PYY: variants seen among roughly 807,000 people sequenced by gnomAD.
PYY encodes the protein peptide YY.
A neutral mutation model predicts 10.3 loss-of-function variants in PYY; 12 were observed. The observed-to-expected ratio is 1.17, with a 90% CI of 0.75 to 1.89. The LOEUF is 1.89. Ranked by LOEUF, PYY falls within the 40% of genes most tolerant of loss-of-function variation. The probability of loss-of-function intolerance (pLI) is 0.00; values close to 1 mark genes in which losing one functional copy is unlikely to be tolerated. For missense variants in PYY, 141 were observed against 134.0 expected, an observed-to-expected ratio of 1.05 and a Z score of -0.26; for synonymous variants, 66 against 62.0, an observed-to-expected ratio of 1.06 and a Z score of -0.30.
intron 1 of PYY, among the ~76,000 whole-genome samples, chr17:43,971,904 T>G (rs2048796467): frequency 6.6e-6 from 1 of 152,020 alleles, no homozygotes; most frequent in African/African-American, 2.4e-5. Context: ...ACTCATTCTT[T>G]TGGGTGTCCA....
intron 1 of PYY, among the ~76,000 whole-genome samples, chr17:43,976,509 C>T (rs534963741): frequency 2.7e-4 from 41 of 151,918 alleles, no homozygotes; most frequent in Admixed American, 6.6e-4. Context: ...TGGTGGCTCA[C>T]GTCTGTAATC....
intron 1 of PYY, among the ~76,000 whole-genome samples, chr17:43,977,360 C>A (rs1375922847): frequency 1.3e-5 from 2 of 152,254 alleles, no homozygotes; most frequent in African/African-American, 4.8e-5. Context: ...TTGACCCACT[C>A]CCACCTTTCC....
intron 1 of PYY, among the ~76,000 whole-genome samples, chr17:43,979,934 A>T (rs1314374216): frequency 6.6e-6 from 1 of 152,136 alleles, no homozygotes; most frequent in Non-Finnish European, 1.5e-5. Flanking sequence ...CCTAAAGTGC[A>T]CAGATTGTAA....
At chr17:43,995,232 C>T (rs2048983516) in intron 1 of PYY, among the ~76,000 whole-genome samples, 1 of 152,204 alleles carries the variant, frequency 6.6e-6, no homozygotes, top group Admixed American at 6.5e-5. Context: ...TCCTGAACCC[C>T]GATACCCCAC....
chr17:43,980,675 T>A (rs2048878676), intron 1 of PYY, among the ~76,000 whole-genome samples: 1 of 152,020 alleles, frequency 6.6e-6, no homozygotes, highest in Non-Finnish European at 1.5e-5. Context: ...GGTTTCACCA[T>A]GTTGGCCAGG....
chr17:43,992,011 C>G (rs2048960145), intron 1 of PYY, among the ~76,000 whole-genome samples: 1 of 150,998 alleles, frequency 6.6e-6, no homozygotes, highest in Non-Finnish European at 1.5e-5. Context: ...AGCCCAGCTA[C>G]TCAGGAGGCT....
chr17:43,964,778 G>A (rs544602106), intron 2 of PYY, among the ~76,000 whole-genome samples: 3 of 152,142 alleles, frequency 2.0e-5, no homozygotes, highest in Non-Finnish European at 4.4e-5. Flanking sequence ...ACTCCAGTCT[G>A]GGCAACAAGA....
chr17:43,964,977 A>G (rs572940763), intron 2 of PYY, among the ~76,000 whole-genome samples: 1 of 152,376 alleles, frequency 6.6e-6, no homozygotes, highest in African/African-American at 2.4e-5. Flanking sequence ...TGGAAGAAAG[A>G]GGACACAGAT....
chr17:43,953,785 T>G, intron 1 of PYY, 65 bp downstream of exon 1: 1 of 247,052 alleles, frequency 4.0e-6, no homozygotes. Flanking sequence ...GCTTCCACCA[T>G]CCCAGCCTCA....
intron 1 of PYY, among the ~76,000 whole-genome samples, chr17:43,976,492 C>T (rs1362720441): frequency 6.6e-6 from 1 of 151,614 alleles, no homozygotes. Context: ...TATATGCCAG[C>T]CACGTGTGGT....
intron 1 of PYY, among the ~76,000 whole-genome samples, chr17:43,968,405 G>A (rs558126147): frequency 1.3e-5 from 2 of 152,012 alleles, no homozygotes; most frequent in East Asian, 1.9e-4. Context: ...ATACTCCTTC[G>A]TTCATTTTAT....
chr17:43,993,045 G>A (rs1480314955), intron 1 of PYY, among the ~76,000 whole-genome samples: 1 of 152,178 alleles, frequency 6.6e-6, no homozygotes, highest in African/African-American at 2.4e-5. Context: ...CGGGCGCTGC[G>A]ACGCACACCT....
At position 43,952,867 on chromosome 17, in the gene PYY, G is replaced by A; in HGVS notation, c.*89C>T. On this transcript the variant is annotated 3_prime_UTR_variant, in exon 4 of 4. Coordinates refer to ENST00000692052, the MANE Select transcript of PYY (RefSeq NM_001394028.1). ...AACCCTGCCCAGACGCCGCCGTCGG[G>A]AGGCAGAATCCGGGTTTCTGGGGTC... The A allele has an allele frequency of 4.3e-6, 6 of 1,401,634 alleles. No homozygotes were observed. The highest frequency in any genetic ancestry group is 5.7e-6 in the Non-Finnish European group (6 of 1,047,406). The allele number at this position is 1,401,634 out of a possible 1,614,324, so 86.8% of individuals were successfully genotyped here.
At chr17:43,965,792 A>C (rs2048751215) in intron 2 of PYY, among the ~76,000 whole-genome samples, 1 of 142,188 alleles carries the variant, frequency 7.0e-6, no homozygotes, top group Non-Finnish European at 1.5e-5. Flanking sequence ...CATCTCACAA[A>C]AAAAAAAAAA....
chr17:43,959,423 G>A (rs142448146), intron 2 of PYY, among the ~76,000 whole-genome samples: 1 of 152,320 alleles, frequency 6.6e-6, no homozygotes, highest in Non-Finnish European at 1.5e-5. Context: ...AGTGGCTCAT[G>A]CCTGTAATCC....
At chr17:43,960,700 A>T (rs2048706374) in intron 2 of PYY, among the ~76,000 whole-genome samples, 2 of 151,330 alleles carry the variant, frequency 1.3e-5, no homozygotes, top group Admixed American at 1.3e-4. Context: ...ATACAAAAAA[A>T]TTAGTCAGGC....
upstream of PYY, among the ~76,000 whole-genome samples, chr17:43,955,764 G>A (rs1220692264): frequency 1.3e-5 from 2 of 152,124 alleles, no homozygotes; most frequent in Non-Finnish European, 1.5e-5. Flanking sequence ...CCTGTTTGGA[G>A]GGGAGACAGC....
intron 1 of PYY, among the ~76,000 whole-genome samples, chr17:43,990,361 G>T (rs1314775739): frequency 6.7e-6 from 1 of 149,846 alleles, no homozygotes; most frequent in Non-Finnish European, 1.5e-5. Context: ...ATTGCTTGAA[G>T]CCAGGAGGTG....
intron 1 of PYY, among the ~76,000 whole-genome samples, chr17:43,976,008 A>G (rs565269332): frequency 0.084 from 273 of 3,256 alleles, 74 homozygotes; most frequent in Non-Finnish European, 0.093. Flanking sequence ...GTACGTGTAC[A>G]TACACGTGTA....
Sources: gnomAD v4.1 joint callset for allele counts (sites outside exome capture counted in the v4.1 genomes callset) on GRCh38, gnomAD v4.1.1 for gene constraint, MANE v1.5 for transcripts, NCBI Gene and HGNC (gene_info 2026-07-23, HGNC 2026-07-21) for gene names.